The following OGN variants were observed in gnomAD, a reference collection of about 807,000 sequenced individuals.
OGN encodes the protein osteoglycin, also known as mimecan.
A neutral mutation model predicts 30.8 loss-of-function variants in OGN; 19 were observed. The observed-to-expected ratio is 0.62, with a 90% CI of 0.43 to 0.90. The LOEUF is 0.90. OGN is among the 40% of genes least tolerant of loss of function. The pLI, the probability that OGN is intolerant of heterozygous loss-of-function variation, is 0.00. For missense variants in OGN, 283 were observed against 349.7 expected (o/e 0.81, Z 1.52); for synonymous variants, 126 against 128.3 (o/e 0.98, Z 0.12).
chr9:92,396,394 T>C (rs1842891954), intron 3 of OGN, among the ~76,000 whole-genome samples: 1 of 151,988 alleles, frequency 6.6e-6, no homozygotes, highest in Middle Eastern at 3.2e-3. Context: ...AAAAAACCTA[T>C]TAGGATTTTG....
chr9:92,389,335 A>G (rs1842572737), intron 5 of OGN, among the ~76,000 whole-genome samples: 1 of 152,218 alleles, frequency 6.6e-6, no homozygotes, highest in Non-Finnish European at 1.5e-5. Context: ...AATGTATTTA[A>G]TTCTTACTAC....
chr9:92,394,879 T>G (rs1842832324), intron 3 of OGN, among the ~76,000 whole-genome samples: 1 of 152,200 alleles, frequency 6.6e-6, no homozygotes, highest in South Asian at 2.1e-4. Context: ...AGTGCTAGGA[T>G]TACAGGTGTG....
chr9:92,393,691 C>A (rs1842778961), intron 3 of OGN, among the ~76,000 whole-genome samples: 1 of 152,142 alleles, frequency 6.6e-6, no homozygotes, highest in South Asian at 2.1e-4. Context: ...TCCTTTAGCA[C>A]CCCAAGTCAT....
intron 4 of OGN, among the ~76,000 whole-genome samples, chr9:92,390,579 TGTGTGTGTGC>T (rs1842632535): frequency 6.6e-6 from 1 of 151,202 alleles, no homozygotes; most frequent in Admixed American, 6.6e-5. Flanking sequence ...TGTGTGTGTG[TGTGTGTGTGC>T]GCGCGCGCGT....
At position 92,389,789 on chromosome 9, in the gene OGN, A is replaced by C. The variant is rs1208455854; in HGVS notation, c.630+65T>G. 13 of 1,078,566 alleles carry C rather than the reference A, an allele frequency of 1.2e-5. 1 individual carries two copies. In the South Asian group the frequency reaches 1.8e-4, roughly 15 times the overall value. 66.8% of individuals were successfully genotyped at this position (1,078,566 alleles called of 1,614,324 possible). The stretch of plus-strand genomic sequence containing the variant: ...GTAATCAAAATACAATTCTAGACCA[A>C]AGTTTCTCTTTTATCTATCATATCA... On this transcript the variant is annotated intron_variant, in intron 5 of 6. Transcript: ENST00000375561.
rs906941883 is a variant in OGN at position 92,384,888 on chromosome 9, T to G, written c.*732A>C. ...TTATTTCTTATAAGCATATTGGTTT[T>G]GGCCTGCTTGAGTTTAAAACTTTTT... On this transcript the variant is annotated 3_prime_UTR_variant, in exon 7 of 7. Coordinates refer to ENST00000375561, the MANE Select transcript of OGN (RefSeq NM_014057.5). 6.6e-6 allele frequency: 1 copy of G among 152,558 alleles called. No homozygotes were observed. The highest frequency in any genetic ancestry group is 1.5e-5 in the Non-Finnish European group (1 of 68,006). The allele number at this position is 152,558 out of a possible 1,614,324, so 9.5% of individuals were successfully genotyped here.
intron 3 of OGN, 96 bp downstream of exon 3, chr9:92,400,996 C>T (rs1333764946): frequency 3.2e-6 from 2 of 634,116 alleles, no homozygotes; most frequent in Non-Finnish European, 5.6e-6. Context: ...TTTGTATTTA[C>T]TGTATCTTGA....
intron 1 of OGN, 181 bp from the exon 2 acceptor site, chr9:92,403,663 TCTCTATCAGAAA>T (rs1260589293): frequency 9.1e-7 from 1 of 1,098,314 alleles, no homozygotes; most frequent in Admixed American, 4.8e-5. Flanking sequence ...TAGTTTTACT[TCTCTATCAGAAA>T]TTCAAGAAAG....
Position 92,390,587 on chromosome 9 carries a change from T to TGTGTGTGTGTGTGC in OGN, c.428-532_428-531insGCACACACACACAC, listed in dbSNP as rs749697394. 5.5e-4 allele frequency among the ~76,000 whole-genome samples: 78 copies of TGTGTGTGTGTGTGC among 141,912 alleles called. 1 individual carries two copies. Among genetic ancestry groups the TGTGTGTGTGTGTGC allele is most frequent in the East Asian group, 4.1e-3 (18 of 4,386 alleles). The allele number at this position is 141,912 out of a possible 152,430, so 93.1% of individuals were successfully genotyped here. ...CAGTGTGTGTGTGTGTGTGTGTGTG[T>TGTGTGTGTGTGTGC]GCGCGCGCGCGTACTTGCGTGTGCA... On this transcript the variant is annotated intron_variant, in intron 4 of 6. Coordinates refer to ENST00000375561, the MANE Select transcript of OGN (RefSeq NM_014057.5).
intron 5 of OGN, 125 bp from the exon 6 acceptor site, chr9:92,386,421 A>G: frequency 1.6e-6 from 1 of 606,224 alleles, no homozygotes; most frequent in South Asian, 2.0e-5. Flanking sequence ...ATATGAATAC[A>G]TCAATTATAT....
intron 2 of OGN, among the ~76,000 whole-genome samples, chr9:92,402,959 A>C (rs562279779): frequency 6.6e-5 from 10 of 152,334 alleles, no homozygotes; most frequent in Non-Finnish European, 4.4e-5. Flanking sequence ...TATAAATTGC[A>C]ACTGGTGAGG....
At chr9:92,395,963 G>C (rs1024723199) in intron 3 of OGN, among the ~76,000 whole-genome samples, 7 of 151,928 alleles carry the variant, frequency 4.6e-5, no homozygotes, top group African/African-American at 1.7e-4. Context: ...TTGACACTTT[G>C]TTTTCTTCTA....
chr9:92,391,612 C>T (rs567029846), intron 4 of OGN, among the ~76,000 whole-genome samples: 2 of 151,870 alleles, frequency 1.3e-5, no homozygotes, highest in East Asian at 3.9e-4. Flanking sequence ...CAAAAAAACC[C>T]CCCAAAAAAC....
rs757938233 is a variant in OGN, at chr9:92,401,043, A to G, written c.268+49T>C. The G allele has an allele frequency of 9.3e-6, 8 of 862,520 alleles. No homozygotes were observed. In the East Asian group the frequency reaches 2.0e-4, roughly 21 times the overall value. The allele number at this position is 862,520 out of a possible 1,614,324, so 53.4% of individuals were successfully genotyped here. On this transcript the variant is annotated intron_variant, in intron 3 of 6. Coordinates refer to ENST00000375561, the MANE Select transcript of OGN (RefSeq NM_014057.5). ...ATTACCACAAGGAATAAAGTCCATT[A>G]TAGCTATTTTTAAAAGATCCATTTG...
intron 5 of OGN, among the ~76,000 whole-genome samples, chr9:92,387,741 A>C (rs1336595149): frequency 6.6e-6 from 1 of 152,056 alleles, no homozygotes; most frequent in East Asian, 1.9e-4. Context: ...AAACAAAACT[A>C]TAGGGCAGCT....
chr9:92,393,329 T>TA, intron 3 of OGN, 85 bp from the exon 4 acceptor site: 1 of 1,029,094 alleles, frequency 9.7e-7, no homozygotes, highest in Non-Finnish European at 1.4e-6. Flanking sequence ...CTATTATGAA[T>TA]GCTATTACTA....
intron 6 of OGN, 41 bp downstream of exon 6, chr9:92,386,160 T>C (rs1194842923): frequency 1.4e-6 from 2 of 1,422,244 alleles, no homozygotes; most frequent in Non-Finnish European, 2.0e-6. Flanking sequence ...TTTTGACTCA[T>C]AGGTAATTAG....
intron 5 of OGN, among the ~76,000 whole-genome samples, chr9:92,387,057 A>G (rs1382883155): frequency 6.7e-6 from 1 of 148,240 alleles, no homozygotes; most frequent in Non-Finnish European, 1.5e-5. Flanking sequence ...CAAAAAGAAA[A>G]AAAAAAAAAA....
chr9:92,393,109 G>GTC lies in OGN; in HGVS notation c.402_403dup (p.Thr135ArgfsTer12). 6.2e-7 allele frequency: 1 copy of GTC among 1,613,618 alleles called. No homozygotes were observed. The highest frequency in any genetic ancestry group is 8.5e-7 in the Non-Finnish European group (1 of 1,179,814). ...ACGTATGTCTGCAAAATCTTTGGCA[G>GTC]TCAGCTTTTTAATTTTGTTGAATCG... is the stretch of plus-strand genomic sequence containing the variant. On this transcript the variant is annotated frameshift_variant, in exon 4 of 7. Transcript: ENST00000375561. LOFTEE classifies it high-confidence loss of function.
Sources: allele counts gnomAD v4.1 joint callset (sites outside exome capture counted in the v4.1 genomes callset), GRCh38; gene constraint gnomAD v4.1.1; transcripts MANE v1.5; gene names NCBI Gene and HGNC (gene_info 2026-07-23, HGNC 2026-07-21).